The following RPS6KA2 variants were observed in gnomAD, a reference collection of about 807,000 sequenced individuals.
RPS6KA2 encodes ribosomal protein S6 kinase A2.
Under a neutral mutation model 91.8 loss-of-function variants are expected in RPS6KA2, and 42 were observed. That is an observed-to-expected ratio of 0.46 (90% CI 0.36 to 0.59). The LOEUF is 0.59. RPS6KA2 is among the 20% of genes least tolerant of loss of function. RPS6KA2 has a pLI of 0.00. For synonymous variants in RPS6KA2, 414 were observed against 393.6 expected (o/e 1.05, Z -0.61); for missense variants, 798 against 978.5 (o/e 0.82, Z 2.46).
chr6:166,657,295 T>A (rs534969325), intron 2 of RPS6KA2, among the ~76,000 whole-genome samples: 1 of 151,854 alleles, frequency 6.6e-6, no homozygotes, highest in Admixed American at 6.5e-5. Context: ...CAGTGTTAGA[T>A]GATAATTGTC....
chr6:166,794,401 T>C (rs1240979499), intron 2 of RPS6KA2, among the ~76,000 whole-genome samples: 2 of 152,216 alleles, frequency 1.3e-5, no homozygotes, highest in Admixed American at 6.5e-5. Context: ...TTTTGCACTG[T>C]TGGTGAGACT....
chr6:166,819,620 T>A (rs796186851), intron 2 of RPS6KA2, among the ~76,000 whole-genome samples: 29 of 152,120 alleles, frequency 1.9e-4, no homozygotes, highest in African/African-American at 6.3e-4. Context: ...TATACTATAC[T>A]TCATTTATAG....
At position 166,592,396 on chromosome 6, in the gene RPS6KA2, C is replaced by G. The variant is rs183460419; in HGVS notation, c.99+34525G>C. ...GGATTTACAGGGGACTACTTATTCA[C>G]CCAATCTATGGGCTAGGCAGAATCT... is the stretch of plus-strand genomic sequence containing the variant. On this transcript the variant is annotated intron_variant, in intron 1 of 20. Coordinates refer to ENST00000265678, the MANE Select transcript of RPS6KA2 (RefSeq NM_021135.6). 6.0e-3 allele frequency among the ~76,000 whole-genome samples: 914 copies of G among 152,278 alleles called. 8 individuals carry two copies. Among genetic ancestry groups the G allele is most frequent in the Admixed American group, 9.6e-3 (147 of 15,296 alleles).
At chr6:166,487,851 C>A (rs1781461423) in intron 10 of RPS6KA2, among the ~76,000 whole-genome samples, 1 of 152,162 alleles carries the variant, frequency 6.6e-6, no homozygotes, top group Admixed American at 6.5e-5. Context: ...TGAAATATGA[C>A]TGTGGAGTAG....
At position 166,462,636 on chromosome 6, in the gene RPS6KA2, G is replaced by A. The variant is rs140887235; in HGVS notation, c.973-3085C>T. Among the ~76,000 whole-genome samples the A allele has an allele frequency of 1.7e-3, 260 of 152,290 alleles. No homozygotes were observed. In the Middle Eastern group the frequency reaches 0.024, roughly 14 times the overall value. ...CCATCTGTGCCTAGCCCGGTGCTGC[G>A]AGTCACCTGGGATGCCCAGTGAGGA... is the stretch of plus-strand genomic sequence containing the variant. On this transcript the variant is annotated intron_variant, in intron 11 of 20. Coordinates refer to ENST00000265678, the MANE Select transcript of RPS6KA2 (RefSeq NM_021135.6).
In RPS6KA2 at chr6:166,635,794, C is replaced by T. The variant is rs1787218532; in HGVS notation, c.124-97010G>A. Among the ~76,000 whole-genome samples, 1 of 152,104 alleles carries T rather than the reference C, an allele frequency of 6.6e-6. No homozygotes were observed. Among genetic ancestry groups the T allele is most frequent in the Non-Finnish European group, 1.5e-5 (1 of 68,010 alleles). ...CTCACCCCAGGACAAGCCACCATCC[C>T]CACCCTGGGGAGAAGGCTGCATCCA... On this transcript the variant is annotated intron_variant, in intron 2 of 21. Transcript: ENST00000503859. This position sits in a 1 kb window ranked among gnomAD's most constrained non-coding sequence, Gnocchi z 4.8.
chr6:166,605,185 G>C (rs1785903227), intron 1 of RPS6KA2, among the ~76,000 whole-genome samples: 1 of 152,188 alleles, frequency 6.6e-6, no homozygotes, highest in Non-Finnish European at 1.5e-5. Context: ...CAAGGGCCTT[G>C]GGTGTTGCCA....
At chr6:166,802,540 C>T (rs908695198) in intron 2 of RPS6KA2, among the ~76,000 whole-genome samples, 1 of 152,136 alleles carries the variant, frequency 6.6e-6, no homozygotes, top group Admixed American at 6.6e-5. Flanking sequence ...GCTGCACGAC[C>T]GTCTGCCAGA....
intron 2 of RPS6KA2, among the ~76,000 whole-genome samples, chr6:166,818,810 A>G (rs9348182): frequency 0.63 from 95,049 of 151,678 alleles, 31,208 homozygotes; most frequent in Non-Finnish European, 0.74. Flanking sequence ...CTTTGAACCA[A>G]CGACTGTGTC....
chr6:166,683,786 G>A (rs1321784565), intron 2 of RPS6KA2, among the ~76,000 whole-genome samples: 1 of 152,226 alleles, frequency 6.6e-6, no homozygotes, highest in African/African-American at 2.4e-5. Flanking sequence ...GCTGAATCTC[G>A]TCCGACCACA....
intron 2 of RPS6KA2, among the ~76,000 whole-genome samples, chr6:166,647,861 TACACACATGCACATGCTG>T: frequency 1.5e-5 from 1 of 67,930 alleles, no homozygotes; most frequent in South Asian, 5.5e-4. Flanking sequence ...CACATGCTCA[TACACACATGCACATGCTG>T]ACACACATAC....
chr6:166,756,963 C>T (rs556428840), intron 2 of RPS6KA2, among the ~76,000 whole-genome samples: 105 of 152,184 alleles, frequency 6.9e-4, no homozygotes, highest in African/African-American at 2.0e-3. Flanking sequence ...GAAAACGTCG[C>T]GGAGATGGCG....
chr6:166,815,492 T>A (rs1043300003), intron 2 of RPS6KA2, among the ~76,000 whole-genome samples: 5 of 152,190 alleles, frequency 3.3e-5, no homozygotes, highest in Non-Finnish European at 7.4e-5. Context: ...TACTGACATC[T>A]AAATTCAGAC....
intron 1 of RPS6KA2, among the ~76,000 whole-genome samples, chr6:166,549,921 G>A (rs1377499218): frequency 6.6e-6 from 1 of 152,158 alleles, no homozygotes; most frequent in Non-Finnish European, 1.5e-5. Context: ...CCTCTGCCAC[G>A]TGTTTTGCAG....
chr6:166,643,653 A>G (rs1312000354), intron 2 of RPS6KA2, among the ~76,000 whole-genome samples: 1 of 152,192 alleles, frequency 6.6e-6, no homozygotes, highest in African/African-American at 2.4e-5. Flanking sequence ...GGGCCATTGT[A>G]TATCTTGCTA....
intron 5 of RPS6KA2, among the ~76,000 whole-genome samples, chr6:166,507,454 C>T (rs1421763894): frequency 6.8e-6 from 1 of 146,714 alleles, no homozygotes. Flanking sequence ...ACAACTCATA[C>T]ATACACACAC....
At chr6:166,661,026 C>T (rs1328800636) in intron 2 of RPS6KA2, among the ~76,000 whole-genome samples, 1 of 152,144 alleles carries the variant, frequency 6.6e-6, no homozygotes, top group Non-Finnish European at 1.5e-5. Flanking sequence ...AATCTTACCT[C>T]GTGTTTCTCA....
chr6:166,711,157 G>A (rs867481634), intron 2 of RPS6KA2, among the ~76,000 whole-genome samples: 1 of 151,220 alleles, frequency 6.6e-6, no homozygotes. Context: ...AGTCTTCTTG[G>A]GATTAGTGGA....
At position 166,418,477 on chromosome 6, in the gene RPS6KA2, T is replaced by C; in HGVS notation, c.1821-135A>G. On this transcript the variant is annotated intron_variant, in intron 18 of 20. Transcript: ENST00000265678. This position sits in a 1 kb window ranked among gnomAD's most constrained non-coding sequence, Gnocchi z 4.9. ...TCCCTCCTCTGCTCTGAAGCCAGGA[T>C]TCATGGGAAAGCGGAACTTACCTCT... is the stretch of plus-strand genomic sequence containing the variant. 1.4e-6 allele frequency: 1 copy of C among 710,840 alleles called. No homozygotes were observed. Among genetic ancestry groups the C allele is most frequent in the East Asian group, 2.7e-5 (1 of 37,556 alleles). The allele number at this position is 710,840 out of a possible 1,614,324, so 44.0% of individuals were successfully genotyped here.
Sources: gnomAD v4.1 joint callset for allele counts (sites outside exome capture counted in the v4.1 genomes callset) on GRCh38, gnomAD v4.1.1 for gene constraint, Gnocchi (gnomAD v3.1) non-coding constraint, MANE v1.5 for transcripts, NCBI Gene and HGNC (gene_info 2026-07-23, HGNC 2026-07-21) for gene names.